The following USP34 variants were observed in gnomAD, a reference collection of about 807,000 sequenced individuals.
USP34 encodes ubiquitin carboxyl-terminal hydrolase 34.
A neutral mutation model predicts 460.3 loss-of-function variants in USP34; 70 were observed. The ratio of observed to expected loss-of-function variants is 0.15; its 90% CI spans 0.13 to 0.19. The LOEUF (loss-of-function observed/expected upper bound fraction) is 0.19. USP34 is among the 10% of genes least tolerant of loss of function. USP34 has a pLI of 1.00. For synonymous variants in USP34, 1,647 were observed against 1,405.3 expected, an observed-to-expected ratio of 1.17 and a Z score of -3.85; for missense variants, 3,985 against 4,236.2, an observed-to-expected ratio of 0.94 and a Z score of 1.65.
chr2:61,449,899 C>G (rs1030610622), intron 1 of USP34, among the ~76,000 whole-genome samples: 3 of 152,000 alleles, frequency 2.0e-5, no homozygotes, highest in Non-Finnish European at 4.4e-5. Flanking sequence ...AACCCCGTCT[C>G]TACTAAAAAT....
Position 61,422,722 on chromosome 2 carries a change from C to T in USP34, c.44-1889G>A, listed in dbSNP as rs143615896. Among the ~76,000 whole-genome samples, 420 of 152,294 alleles carry T rather than the reference C, an allele frequency of 2.8e-3. 1 individual carries two copies. The highest frequency in any genetic ancestry group is 9.4e-3 in the African/African-American group (391 of 41,554). Reference sequence around the variant, plus strand: ...AACCCTAAGGATTACACAAGAAGAACTGTTAGAACTAACAGCCGGTAATCC... The same window carrying T: ...AACCCTAAGGATTACACAAGAAGAATTGTTAGAACTAACAGCCGGTAATCC... On this transcript the variant is annotated intron_variant, in intron 1 of 79. Coordinates refer to ENST00000398571, the MANE Select transcript of USP34 (RefSeq NM_014709.4).
intron 6 of USP34, among the ~76,000 whole-genome samples, chr2:61,382,557 G>C (rs1353472051): frequency 6.6e-6 from 1 of 152,136 alleles, no homozygotes; most frequent in Non-Finnish European, 1.5e-5. Context: ...TTCTTTGCCT[G>C]ATACTGTCTC....
intron 75 of USP34, among the ~76,000 whole-genome samples, chr2:61,202,568 G>A (rs748280323): frequency 6.6e-6 from 1 of 152,094 alleles, no homozygotes; most frequent in Non-Finnish European, 1.5e-5. Context: ...AAAGATATTC[G>A]AGACCCCCCG....
chr2:61,272,564 A>G (rs1689248952), intron 41 of USP34, among the ~76,000 whole-genome samples: 2 of 152,120 alleles, frequency 1.3e-5, no homozygotes, highest in African/African-American at 4.8e-5. Context: ...GAACCATCGA[A>G]AAACTTCCTA....
In USP34 at chr2:61,339,685, AAG is replaced by A. The variant is rs759219651; in HGVS notation, c.2501-6_2501-5del. On this transcript the variant is annotated splice_region_variant and splice_polypyrimidine_tract_variant and intron_variant, in intron 16 of 79. Transcript: ENST00000398571. ...TGATGTTTATGAACTACAGGTCCTG[AAG>A]AGAAAAAAAAAAAAAAGACACACTA... 2.1e-6 allele frequency: 3 copies of A among 1,430,318 alleles called. No homozygotes were observed. Among genetic ancestry groups the A allele is most frequent in the East Asian group, 2.5e-5 (1 of 40,638 alleles). The allele number at this position is 1,430,318 out of a possible 1,614,324, so 88.6% of individuals were successfully genotyped here. A position where few individuals can be genotyped will look rare whatever the true frequency, so the allele number is the denominator to read the frequency against.
intron 1 of USP34, among the ~76,000 whole-genome samples, chr2:61,451,098 A>G (rs762904835): frequency 2.0e-4 from 30 of 151,426 alleles, no homozygotes; most frequent in Non-Finnish European, 3.4e-4. Context: ...GTAGGCGCCT[A>G]TAATTCCAGC....
intron 48 of USP34, among the ~76,000 whole-genome samples, 178 bp from the exon 49 acceptor site, chr2:61,248,861 A>C (rs977381181): frequency 1.5e-4 from 23 of 152,212 alleles, no homozygotes; most frequent in African/African-American, 5.5e-4. Flanking sequence ...AACTGAGGAC[A>C]GTATCAAACT....
Position 61,278,340 on chromosome 2 carries a change from T to C in USP34, c.5312+48A>G, listed in dbSNP as rs745527791. On this transcript the variant is annotated intron_variant, in intron 40 of 79. Coordinates refer to ENST00000398571, the MANE Select transcript of USP34 (RefSeq NM_014709.4). ...CAAGATAGTTCACATAATTATGTCT[T>C]TTATCTTTCCTCGACAATATAAATG... 14 of 1,609,264 alleles carry C rather than the reference T, an allele frequency of 8.7e-6. No homozygotes were observed. The South Asian group carries it at 1.6e-4, about 18-fold the overall frequency.
chr2:61,265,172 C>G (rs1689011102), intron 43 of USP34: 2 of 499,522 alleles, frequency 4.0e-6, no homozygotes, highest in East Asian at 7.3e-5. Flanking sequence ...CATGCATATT[C>G]CATAGCTGTG....
chr2:61,282,717 G>A (rs900480325), intron 37 of USP34, among the ~76,000 whole-genome samples: 2 of 152,044 alleles, frequency 1.3e-5, no homozygotes, highest in African/African-American at 4.8e-5. Context: ...TTGTTCCCAG[G>A]AGGTTGAGGC....
chr2:61,365,071 G>A (rs1026218835), intron 10 of USP34, among the ~76,000 whole-genome samples: 2 of 152,042 alleles, frequency 1.3e-5, no homozygotes, highest in Admixed American at 6.6e-5. Flanking sequence ...GACCAACATG[G>A]TGAAATCCCG....
intron 3 of USP34, among the ~76,000 whole-genome samples, chr2:61,403,861 C>T (rs928147869): frequency 1.3e-4 from 20 of 151,668 alleles, no homozygotes; most frequent in Non-Finnish European, 2.2e-4. Context: ...GGCATGGTGG[C>T]GGGCACCTGT....
chr2:61,196,281 G>T (rs1327894851), intron 75 of USP34, among the ~76,000 whole-genome samples: 1 of 148,560 alleles, frequency 6.7e-6, no homozygotes, highest in Non-Finnish European at 1.5e-5. Context: ...TAGTAGAGAC[G>T]GGGTTTCACT....
intron 29 of USP34, among the ~76,000 whole-genome samples, chr2:61,300,042 T>C (rs1435417033): frequency 6.6e-6 from 1 of 152,228 alleles, no homozygotes; most frequent in Admixed American, 6.5e-5. Flanking sequence ...CTGTTGTCGA[T>C]TTATTTCCAC....
intron 10 of USP34, among the ~76,000 whole-genome samples, chr2:61,363,083 T>C (rs763855087): frequency 1.6e-4 from 25 of 151,940 alleles, no homozygotes; most frequent in African/African-American, 4.8e-4. Context: ...AATATGCAAA[T>C]AGCCAATGAG....
rs561336320 is a variant in USP34, at chr2:61,346,860, G to A, written c.2285+1010C>T. 1.5e-3 allele frequency among the ~76,000 whole-genome samples: 206 copies of A among 138,220 alleles called. 1 individual carries two copies. Among genetic ancestry groups the A allele is most frequent in the Non-Finnish European group, 2.7e-3 (173 of 64,982 alleles). 90.7% of individuals were successfully genotyped at this position (138,220 alleles called of 152,430 possible). Reference sequence around the variant, plus strand: ...AAAAAAAAAAAAAAAAAAAAAGGCCGGGCCTGGTGGCTCACACCTGTGATC... The same window carrying A: ...AAAAAAAAAAAAAAAAAAAAAGGCCAGGCCTGGTGGCTCACACCTGTGATC... On this transcript the variant is annotated intron_variant, in intron 15 of 79. Transcript: ENST00000398571.
chr2:61,225,914 A>C (rs375943730), intron 62 of USP34, among the ~76,000 whole-genome samples: 73 of 152,314 alleles, frequency 4.8e-4, no homozygotes, highest in African/African-American at 1.3e-3. Context: ...TCTTGAGCTT[A>C]AGAACACTAG....
At chr2:61,331,489 G>A (rs578260625) in intron 19 of USP34, 118 bp from the exon 20 acceptor site, 180 of 672,438 alleles carry the variant, frequency 2.7e-4, no homozygotes, top group African/African-American at 2.6e-3. Flanking sequence ...TTTTAGTTAC[G>A]AAAAATATAC....
intron 39 of USP34, among the ~76,000 whole-genome samples, chr2:61,278,771 C>A (rs1689448634): frequency 7.1e-6 from 1 of 140,084 alleles, no homozygotes. Flanking sequence ...TACCCTAAAA[C>A]TTAAAGTATA....
Sources: gnomAD v4.1 joint callset for allele counts (sites outside exome capture counted in the v4.1 genomes callset) on GRCh38, gnomAD v4.1.1 for gene constraint, MANE v1.5 for transcripts, NCBI Gene and HGNC (gene_info 2026-07-23, HGNC 2026-07-21) for gene names.